Variants in CYRIA observed in about 807,000 individuals in gnomAD.
The protein encoded by CYRIA is CYFIP related Rac1 interactor A, also known as CYFIP-related Rac1 interactor A.
In CYRIA, 15 loss-of-function variants were observed where a neutral mutation model predicts 43.9. The observed-to-expected ratio is 0.34, with a 90% CI of 0.23 to 0.53. CYRIA has a LOEUF of 0.53. Ranked by LOEUF, CYRIA falls within the 20% of genes least tolerant of loss-of-function variation. The pLI, the probability that CYRIA is intolerant of heterozygous loss-of-function variation, is 0.94. For missense variants in CYRIA, 236 were observed against 394.2 expected (o/e 0.60, Z 3.40); for synonymous variants, 117 against 136.0 (o/e 0.86, Z 0.97).
chr2:16,562,259 T>A, intron 5 of CYRIA, 118 bp from the exon 6 acceptor site: 3 of 1,110,044 alleles, frequency 2.7e-6, no homozygotes, highest in Non-Finnish European at 1.3e-6. Context: ...TCTCTCCCGA[T>A]AACTACGTGA....
At chr2:16,629,833 ACAG>A (rs1669275680) in intron 1 of CYRIA, among the ~76,000 whole-genome samples, 1 of 151,634 alleles carries the variant, frequency 6.6e-6, no homozygotes, top group Admixed American at 6.6e-5. Flanking sequence ...TCAACACACA[ACAG>A]CTGTGATTAT....
At chr2:16,662,116 T>C (rs1214315245) in intron 1 of CYRIA, among the ~76,000 whole-genome samples, 1 of 152,172 alleles carries the variant, frequency 6.6e-6, no homozygotes, top group Admixed American at 6.5e-5. Flanking sequence ...TGTGGTATTG[T>C]AGAACATAGC....
chr2:16,609,997 G>A (rs6743717), intron 2 of CYRIA, among the ~76,000 whole-genome samples: 41,662 of 152,046 alleles, frequency 0.27, 6,453 homozygotes, highest in African/African-American at 0.41. Flanking sequence ...GGTACTCAGG[G>A]ATTTTGGCAG....
At chr2:16,578,449 C>T (rs756583425) in intron 3 of CYRIA, among the ~76,000 whole-genome samples, 39 of 152,014 alleles carry the variant, frequency 2.6e-4, no homozygotes, top group Admixed American at 2.6e-4. Flanking sequence ...AATGTACAGA[C>T]GAGGATCCTA....
At chr2:16,641,039 T>C (rs1399197826) in intron 1 of CYRIA, among the ~76,000 whole-genome samples, 5 of 152,076 alleles carry the variant, frequency 3.3e-5, no homozygotes. Context: ...GCCCGTGAAC[T>C]CTGATCCTAC....
rs533507013 is a variant in CYRIA at position 16,633,591 on chromosome 2, A to G, written c.-166-9572T>C. 1.7e-3 allele frequency among the ~76,000 whole-genome samples: 172 copies of G among 99,358 alleles called. 1 individual carries two copies. The highest frequency in any genetic ancestry group is 0.011 in the Middle Eastern group (1 of 88). 65.2% of individuals were successfully genotyped at this position (99,358 alleles called of 152,430 possible). A position where few individuals can be genotyped will look rare whatever the true frequency, so the allele number is the denominator to read the frequency against. ...TTTTTTTCTGTAGAGAAGGGGTTTC[A>G]CCATGTTGCCAAGGGCTGGTCTCAA... On this transcript the variant is annotated intron_variant, in intron 1 of 11. Coordinates refer to ENST00000381323, the MANE Select transcript of CYRIA (RefSeq NM_030797.4).
chr2:16,550,541 A>C lies in CYRIA; in HGVS notation c.*2395T>G, dbSNP rs1666268153. ...ACTGCTGAGTCTTGGCTTTGAGACA[A>C]GACAAGTCTTGGCTAAATTGAGGCA... On this transcript the variant is annotated 3_prime_UTR_variant, in exon 12 of 12. Transcript: ENST00000381323. 1 of 152,136 alleles carries C rather than the reference A, an allele frequency of 6.6e-6. No homozygotes were observed. The highest frequency in any genetic ancestry group is 1.5e-5 in the Non-Finnish European group (1 of 68,014). 9.4% of individuals were successfully genotyped at this position (152,136 alleles called of 1,614,324 possible). A position where few individuals can be genotyped will look rare whatever the true frequency, so the allele number is the denominator to read the frequency against.
intron 2 of CYRIA, among the ~76,000 whole-genome samples, chr2:16,619,814 A>G (rs1319234176): frequency 6.6e-6 from 1 of 152,200 alleles, no homozygotes; most frequent in Non-Finnish European, 1.5e-5. Context: ...CTCCTCACCC[A>G]TGACAGAGAA....
At chr2:16,636,007 A>C (rs1669485878) in intron 1 of CYRIA, among the ~76,000 whole-genome samples, 1 of 152,184 alleles carries the variant, frequency 6.6e-6, no homozygotes, top group African/African-American at 2.4e-5. Flanking sequence ...GAACTGCAAC[A>C]GAATCTGATC....
In CYRIA at chr2:16,561,075, TG is replaced by T. The variant is rs1470151999; in HGVS notation, c.631-7del. On this transcript the variant is annotated splice_region_variant and splice_polypyrimidine_tract_variant and intron_variant, in intron 8 of 11. Transcript: ENST00000381323. ...TCTATTGGCAGAGTTTTGTTCTAAA[TG>T]GGAGACACAAATGTACATTAGTCCT... 6.2e-6 allele frequency: 10 copies of T among 1,613,488 alleles called. No homozygotes were observed. Among genetic ancestry groups the T allele is most frequent in the Non-Finnish European group, 6.8e-6 (8 of 1,179,648 alleles).
intron 1 of CYRIA, among the ~76,000 whole-genome samples, chr2:16,635,499 C>T (rs6756842): frequency 0.22 from 33,431 of 152,124 alleles, 3,841 homozygotes; most frequent in East Asian, 0.33. Context: ...TAATCATTTG[C>T]GGGAAAAGTA....
chr2:16,660,038 G>A (rs893443742), intron 1 of CYRIA, among the ~76,000 whole-genome samples: 4 of 152,010 alleles, frequency 2.6e-5, no homozygotes, highest in Non-Finnish European at 4.4e-5. Context: ...AGGGCTTCTC[G>A]CCTCCTTGAG....
intron 2 of CYRIA, among the ~76,000 whole-genome samples, chr2:16,608,646 T>C (rs186893193): frequency 2.0e-5 from 3 of 149,476 alleles, no homozygotes; most frequent in South Asian, 2.1e-4. Context: ...ATCAAAATAT[T>C]CCCTTTTTAG....
chr2:16,610,919 TA>T (rs1558425588), intron 2 of CYRIA, among the ~76,000 whole-genome samples: 12 of 63,504 alleles, frequency 1.9e-4, no homozygotes, highest in African/African-American at 8.5e-4. Context: ...TATATATATA[TA>T]TATATATATA....
rs944455396 is a variant in CYRIA, at chr2:16,640,919, A to T, written c.-166-16900T>A. Among the ~76,000 whole-genome samples, 12 of 151,874 alleles carry T rather than the reference A, an allele frequency of 7.9e-5. No individual in the cohort carries two copies. The East Asian group carries it at 1.6e-3, about 20-fold the overall frequency. The stretch of plus-strand genomic sequence containing the variant: ...AGAGGATGGGGTGGGGGTGGGGATG[A>T]CAAGCACAAGGGACAGCCGAGGCCA... On this transcript the variant is annotated intron_variant, in intron 1 of 11. Coordinates refer to ENST00000381323, the MANE Select transcript of CYRIA (RefSeq NM_030797.4).
chr2:16,620,755 T>C (rs1668964539), intron 2 of CYRIA, among the ~76,000 whole-genome samples: 1 of 152,218 alleles, frequency 6.6e-6, no homozygotes, highest in African/African-American at 2.4e-5. Flanking sequence ...CAGACTCACC[T>C]CTCCACATTC....
At chr2:16,586,427 G>A (rs1041133463) in intron 3 of CYRIA, among the ~76,000 whole-genome samples, 15 of 152,098 alleles carry the variant, frequency 9.9e-5, no homozygotes, top group African/African-American at 3.1e-4. Flanking sequence ...AGTTAAACCA[G>A]TAAAAAGGCC....
At position 16,555,095 on chromosome 2, in the gene CYRIA, A is replaced by G. The variant is rs1231858110; in HGVS notation, c.882T>C (p.Ser294=). The change falls in exon 11 of 12, where the codon AGT becomes AGC. Residue 294 remains serine (S), a synonymous_variant. Coordinates refer to ENST00000381323, the MANE Select transcript of CYRIA (RefSeq NM_030797.4). ...TGAGGGCATTTAGCAGCCCCTCCACACTGTCTGGGGCCTGCTCCTTCAAAA... is the reference window on the plus strand; with the variant it reads ...TGAGGGCATTTAGCAGCCCCTCCACGCTGTCTGGGGCCTGCTCCTTCAAAA... The part of the protein sequence containing the change: ...IKVLKEQAPD[S]VEGLLNALRF... The G allele has an allele frequency of 3.1e-6, 5 of 1,613,228 alleles. No individual in the cohort carries two copies. The highest frequency in any genetic ancestry group is 4.2e-6 in the Non-Finnish European group (5 of 1,179,590).
chr2:16,632,825 G>C (rs1268994459), intron 1 of CYRIA, among the ~76,000 whole-genome samples: 1 of 152,134 alleles, frequency 6.6e-6, no homozygotes, highest in Non-Finnish European at 1.5e-5. Context: ...CAATAGCACA[G>C]CTGCTCTTGT....
Sources: gnomAD v4.1 joint callset for allele counts (sites outside exome capture counted in the v4.1 genomes callset) on GRCh38, gnomAD v4.1.1 for gene constraint, MANE v1.5 for transcripts, NCBI Gene and HGNC (gene_info 2026-07-23, HGNC 2026-07-21) for gene names.